The following HSDL1 variants were observed in gnomAD, a reference collection of about 807,000 sequenced individuals.
The protein encoded by HSDL1 is inactive hydroxysteroid dehydrogenase-like protein 1.
HSDL1 carries 29 observed loss-of-function variants against 31.5 expected under a neutral mutation model. The ratio of observed to expected loss-of-function variants is 0.92; its 90% CI spans 0.69 to 1.26. The LOEUF (loss-of-function observed/expected upper bound fraction) is 1.26. Ranked by LOEUF, HSDL1 falls within the 50% of genes most tolerant of loss-of-function variation. The pLI is 0.00. For synonymous variants in HSDL1, 222 were observed against 155.2 expected (o/e 1.43, Z -3.20); for missense variants, 503 against 416.6 (o/e 1.21, Z -1.81).
chr16:84,140,469 T>C (rs982639881), intron 1 of HSDL1, among the ~76,000 whole-genome samples: 4 of 152,206 alleles, frequency 2.6e-5, no homozygotes, highest in East Asian at 1.9e-4. Context: ...TTCATCATGG[T>C]GGTCAGGCTG....
intron 2 of HSDL1, among the ~76,000 whole-genome samples, 155 bp from the exon 3 acceptor site, chr16:84,131,482 A>AGTCTGTCT (rs199649791): frequency 2.9e-4 from 40 of 139,322 alleles, no homozygotes; most frequent in African/African-American, 1.1e-3. Context: ...TCACAGTTTC[A>AGTCTGTCT]GTCTATCTAT....
intron 5 of HSDL1, among the ~76,000 whole-genome samples, chr16:84,126,502 C>T (rs34329493): frequency 0.34 from 52,196 of 151,902 alleles, 9,022 homozygotes; most frequent in Non-Finnish European, 0.37. Context: ...CAAGGAATTA[C>T]CTGCTCTCAA....
At chr16:84,131,544 T>G (rs1408404960) in intron 2 of HSDL1, among the ~76,000 whole-genome samples, 2 of 151,498 alleles carry the variant, frequency 1.3e-5, no homozygotes, top group Non-Finnish European at 2.9e-5. Context: ...AGACAGAGTC[T>G]CACCCTGTCG....
chr16:84,131,764 C>T (rs372360893), intron 2 of HSDL1, among the ~76,000 whole-genome samples: 19 of 151,942 alleles, frequency 1.3e-4, no homozygotes, highest in African/African-American at 4.4e-4. Context: ...CTGCAGGCTC[C>T]GCCCCCTGGG....
At position 84,124,959 on chromosome 16, in the gene HSDL1, A is replaced by G. The variant is rs1392715712; in HGVS notation, c.895-231T>C. On this transcript the variant is annotated intron_variant, in intron 5 of 5. Transcript: ENST00000219439. ...CAAATACCCACCAATCAATCATAAC[A>G]AATACCCACCAATCACAATACACAC... 6 of 363,050 alleles carry G rather than the reference A, an allele frequency of 1.7e-5. No homozygotes were observed. In the East Asian group the frequency reaches 2.8e-4, roughly 17 times the overall value. The allele number at this position is 363,050 out of a possible 1,614,324, so 22.5% of individuals were successfully genotyped here.
intron 2 of HSDL1, among the ~76,000 whole-genome samples, chr16:84,134,595 G>C (rs2086696472): frequency 6.6e-6 from 1 of 152,014 alleles, no homozygotes; most frequent in Non-Finnish European, 1.5e-5. Flanking sequence ...CTGGGCGACA[G>C]AGTTAGACTC....
chr16:84,128,589 T>C (rs1475154179), intron 5 of HSDL1, among the ~76,000 whole-genome samples: 1 of 152,218 alleles, frequency 6.6e-6, no homozygotes, highest in Non-Finnish European at 1.5e-5. Flanking sequence ...TTGTGGTTTT[T>C]TTGGATTATA....
chr16:84,132,856 C>T (rs1378319963), intron 2 of HSDL1, among the ~76,000 whole-genome samples: 2 of 151,706 alleles, frequency 1.3e-5, no homozygotes, highest in Non-Finnish European at 2.9e-5. Flanking sequence ...TTACAGGGAA[C>T]TCAGATACAC....
Position 84,131,145 on chromosome 16 carries a change from T to C in HSDL1, c.177A>G (p.Arg59=), listed in dbSNP as rs751022389. ...TTCCATACTGCTTGATCAAGTCTGC[T>C]CTGCTCCCCAGGCGGGGGATAAAAT... ...RLHFIPRLGS[R]ADLIKQYGRW... Residue 59 remains arginine, a synonymous_variant, in exon 3 of 6, where the codon AGA becomes AGG. Coordinates refer to ENST00000219439, the MANE Select transcript of HSDL1 (RefSeq NM_031463.5). 2 of 1,614,210 alleles carry C rather than the reference T, an allele frequency of 1.2e-6. No homozygotes were observed. Among genetic ancestry groups the C allele is most frequent in the South Asian group, 1.1e-5 (1 of 91,076 alleles).
intron 2 of HSDL1, among the ~76,000 whole-genome samples, chr16:84,132,800 T>C (rs1597375945): frequency 3.3e-5 from 5 of 152,232 alleles, no homozygotes; most frequent in Admixed American, 2.0e-4. Flanking sequence ...GTGTGCATCC[T>C]GCGAAAGACA....
intron 2 of HSDL1, among the ~76,000 whole-genome samples, chr16:84,133,665 GT>G (rs1384870432): frequency 6.6e-6 from 1 of 152,182 alleles, no homozygotes; most frequent in Non-Finnish European, 1.5e-5. Context: ...GGAGGAGGAA[GT>G]TACAGTGAGC....
At chr16:84,126,258 T>C (rs1426975419) in intron 5 of HSDL1, among the ~76,000 whole-genome samples, 3 of 152,086 alleles carry the variant, frequency 2.0e-5, no homozygotes, top group Non-Finnish European at 2.9e-5. Flanking sequence ...CACCAGTACC[T>C]TGGGATGGTA....
Position 84,131,277 on chromosome 16 carries a change from G to C in HSDL1, c.45C>G (p.Ala15=). The C allele has an allele frequency of 2.5e-6, 4 of 1,614,092 alleles. No individual in the cohort carries two copies. The highest frequency in any genetic ancestry group is 3.4e-6 in the Non-Finnish European group (4 of 1,180,000). The change falls in exon 3 of 6, where the codon GCC becomes GCG. Residue 15 remains alanine (A), a synonymous_variant. Coordinates refer to ENST00000219439, the MANE Select transcript of HSDL1 (RefSeq NM_031463.5). The stretch of plus-strand genomic sequence containing the variant: ...CTTCCATATAGCAATTGCAAGACCT[G>C]GCGATTTCCCTGTACAAGAGGTAGA... ...DSFYLLYREI[A]RSCNCYMEAL... is the part of the protein sequence containing the mutation.
intron 1 of HSDL1, among the ~76,000 whole-genome samples, chr16:84,138,726 T>C (rs1305456547): frequency 1.3e-5 from 2 of 152,160 alleles, no homozygotes; most frequent in Non-Finnish European, 2.9e-5. Flanking sequence ...GTCCCCAAAC[T>C]AGGAAAAGAA....
intron 5 of HSDL1, among the ~76,000 whole-genome samples, chr16:84,129,110 C>T (rs532045331): frequency 1.2e-4 from 18 of 152,162 alleles, no homozygotes; most frequent in African/African-American, 2.9e-4. Context: ...TGGTCAGGCA[C>T]GGTGGCTCAC....
intron 1 of HSDL1, among the ~76,000 whole-genome samples, chr16:84,137,880 C>G (rs955515727): frequency 9.9e-5 from 15 of 152,230 alleles, no homozygotes; most frequent in African/African-American, 3.6e-4. Flanking sequence ...CAAGCCTCGT[C>G]AAAGTTACTT....
chr16:84,145,176 A>T lies in HSDL1; in HGVS notation c.-165T>A. The T allele has an allele frequency of 6.8e-6, 2 of 293,872 alleles. No individual in the cohort carries two copies. The highest frequency in any genetic ancestry group is 2.2e-5 in the African/African-American group (1 of 44,698). The allele number at this position is 293,872 out of a possible 1,614,324, so 18.2% of individuals were successfully genotyped here. On this transcript the variant is annotated 5_prime_UTR_variant, in exon 1 of 6. Coordinates refer to ENST00000219439, the MANE Select transcript of HSDL1 (RefSeq NM_031463.5). ...GGAGCTGCTGCCGCGCCGCGCCCTC[A>T]CGTGACCCGCGTACGCGCCGGGGGC... is the stretch of plus-strand genomic sequence containing the variant.
chr16:84,143,997 G>T (rs977010374), intron 1 of HSDL1, among the ~76,000 whole-genome samples: 1 of 151,712 alleles, frequency 6.6e-6, no homozygotes, highest in Non-Finnish European at 1.5e-5. Flanking sequence ...CAGCCCGGGC[G>T]ACAGAGCGAG....
intron 5 of HSDL1, among the ~76,000 whole-genome samples, chr16:84,128,848 C>T (rs1397898485): frequency 6.6e-6 from 1 of 151,958 alleles, no homozygotes; most frequent in Non-Finnish European, 1.5e-5. Flanking sequence ...GCTGGGACTA[C>T]AGGCACACAC....
Sources: allele counts gnomAD v4.1 joint callset (sites outside exome capture counted in the v4.1 genomes callset), GRCh38; gene constraint gnomAD v4.1.1; transcripts MANE v1.5; gene names NCBI Gene and HGNC (gene_info 2026-07-23, HGNC 2026-07-21).